DNAH9: variants seen among roughly 807,000 people sequenced by gnomAD.
DNAH9 encodes the protein dynein axonemal heavy chain 9.
In DNAH9, 345 loss-of-function variants were observed where a neutral mutation model predicts 471.6. That is an observed-to-expected ratio of 0.73 (90% confidence interval 0.67 to 0.80). The LOEUF (loss-of-function observed/expected upper bound fraction) is 0.80. Ranked by LOEUF, DNAH9 falls within the 30% of genes least tolerant of loss-of-function variation. The probability of loss-of-function intolerance (pLI) is 0.00; values close to 1 mark genes in which losing one functional copy is unlikely to be tolerated. For missense variants in DNAH9, 5,407 were observed against 5,609.2 expected (o/e 0.96, Z 1.15); for synonymous variants, 2,093 against 2,123.6 (o/e 0.99, Z 0.40).
chr17:11,911,515 T>C (rs1230006624), intron 61 of DNAH9, among the ~76,000 whole-genome samples: 1 of 152,224 alleles, frequency 6.6e-6, no homozygotes, highest in East Asian at 1.9e-4. Flanking sequence ...GGGTCTCTTA[T>C]ATTTTCTTTT....
Position 11,869,269 on chromosome 17 carries a change from A to C in DNAH9, c.10053+16A>C, listed in dbSNP as rs1555612238. On this transcript the variant is annotated intron_variant, in intron 51 of 68. Transcript: ENST00000262442. ...CAACCGCCTGGTGAGTGTAAGCCAC[A>C]GCAGCCCGAGCTGTAATTATATTAG... 1 of 1,610,866 alleles carries C rather than the reference A, an allele frequency of 6.2e-7. No homozygotes were observed. Among genetic ancestry groups the C allele is most frequent in the Non-Finnish European group, 8.5e-7 (1 of 1,178,600 alleles).
chr17:11,932,165 C>T lies in DNAH9; in HGVS notation c.12257C>T (p.Ser4086Phe), dbSNP rs1555526407. ...TTTAACACTGGAGACCTCACTATCT[C>T]TGTGAATGTCCTCTACAACTTCCTG... ...YPFNTGDLTI[S>F]VNVLYNFLEA... is the part of the protein sequence containing the mutation. Residue 4086 changes from serine (S) to phenylalanine (F), a missense_variant, in exon 64 of 69, where the codon TCT becomes TTT. Coordinates refer to ENST00000262442, the MANE Select transcript of DNAH9 (RefSeq NM_001372.4). The surrounding 1 kb of genome is among the most constrained non-coding windows in gnomAD (Gnocchi z 4.3). 1.2e-6 allele frequency: 2 copies of T among 1,614,142 alleles called. No individual in the cohort carries two copies. The highest frequency in any genetic ancestry group is 1.1e-5 in the South Asian group (1 of 91,080).
chr17:11,644,499 G>C, intron 10 of DNAH9, 132 bp from the exon 11 acceptor site: 1 of 638,120 alleles, frequency 1.6e-6, no homozygotes, highest in South Asian at 2.1e-5. Context: ...AAGAAGAAAG[G>C]CTCTTTCAGG....
Position 11,892,447 on chromosome 17 carries a change from G to A in DNAH9, c.11283+500G>A, listed in dbSNP as rs1292615005. Among the ~76,000 whole-genome samples the A allele has an allele frequency of 2.0e-5, 3 of 152,178 alleles. No homozygotes were observed. Among genetic ancestry groups the A allele is most frequent in the Non-Finnish European group, 4.4e-5 (3 of 68,040 alleles). On this transcript the variant is annotated intron_variant, in intron 58 of 68. Transcript: ENST00000262442. The surrounding 1 kb of genome is among the most constrained non-coding windows in gnomAD (Gnocchi z 4.3). ...CCTTAGAAAGTTTTCAATAACGTTG[G>A]TTCTCAAGGGTTTGGGAAGCAGGGA...
chr17:11,606,257 A>G (rs1162129884), intron 1 of DNAH9, among the ~76,000 whole-genome samples: 3 of 152,022 alleles, frequency 2.0e-5, no homozygotes, highest in Non-Finnish European at 2.9e-5. Flanking sequence ...ACTGGGGCTT[A>G]TTGATCATAA....
At chr17:11,682,550 A>T (rs2150743796) in intron 19 of DNAH9, among the ~76,000 whole-genome samples, 1 of 152,088 alleles carries the variant, frequency 6.6e-6, no homozygotes, top group South Asian at 2.1e-4. Context: ...GAATAAGATG[A>T]GTAGGTTAAG....
chr17:11,937,214 A>G lies in DNAH9; in HGVS notation c.12490-138A>G. The G allele has an allele frequency of 9.2e-7, 1 of 1,085,392 alleles. No homozygotes were observed. Among genetic ancestry groups the G allele is most frequent in the South Asian group, 2.1e-5 (1 of 47,714 alleles). The allele number at this position is 1,085,392 out of a possible 1,614,324, so 67.2% of individuals were successfully genotyped here. ...GCACTAATAGGTGGAGAGGGTGATG[A>G]AGTCAACCAGGGATGGTGAGCAGTG... is the stretch of plus-strand genomic sequence containing the variant. On this transcript the variant is annotated intron_variant, in intron 65 of 68. Coordinates refer to ENST00000262442, the MANE Select transcript of DNAH9 (RefSeq NM_001372.4). The surrounding 1 kb of genome is among the most constrained non-coding windows in gnomAD (Gnocchi z 4.1).
intron 52 of DNAH9, among the ~76,000 whole-genome samples, chr17:11,874,357 T>A (rs2048218657): frequency 6.6e-6 from 1 of 151,948 alleles, no homozygotes; most frequent in Non-Finnish European, 1.5e-5. Context: ...CACAGGCAAG[T>A]TCTCAGACTG....
chr17:11,945,431 G>A (rs930975799), intron 67 of DNAH9, among the ~76,000 whole-genome samples: 1 of 151,738 alleles, frequency 6.6e-6, no homozygotes, highest in African/African-American at 2.4e-5. Flanking sequence ...CAGCTACTAC[G>A]GAGGCTGAAG....
At chr17:11,905,157 C>G (rs1217229105) in intron 60 of DNAH9, among the ~76,000 whole-genome samples, 2 of 151,836 alleles carry the variant, frequency 1.3e-5, no homozygotes, top group East Asian at 3.9e-4. Context: ...TCACTTGAAC[C>G]CGGGAGGCAG....
chr17:11,776,525 A>G (rs760237762), intron 38 of DNAH9, among the ~76,000 whole-genome samples: 2 of 152,216 alleles, frequency 1.3e-5, no homozygotes, highest in Non-Finnish European at 2.9e-5. Flanking sequence ...TGTCCAGCAC[A>G]GATCTGATGA....
chr17:11,767,750 A>T (rs1048775042), intron 36 of DNAH9, among the ~76,000 whole-genome samples: 1 of 152,052 alleles, frequency 6.6e-6, no homozygotes, highest in Non-Finnish European at 1.5e-5. Context: ...TACACTGGGT[A>T]TACAGCCCCA....
chr17:11,733,760 A>G (rs1446130491), intron 28 of DNAH9, among the ~76,000 whole-genome samples: 1 of 149,972 alleles, frequency 6.7e-6, no homozygotes. Flanking sequence ...TGGGAGGCTG[A>G]GGCAGGGGAA....
At position 11,778,050 on chromosome 17, in the gene DNAH9, G is replaced by A. The variant is rs36009642; in HGVS notation, c.7553-2959G>A. ...GGTGGGGCTTTGAACTTTAGGGCGC[G>A]TACCAGGGAAGACCTTACTGGAAAA... On this transcript the variant is annotated intron_variant, in intron 38 of 68. Coordinates refer to ENST00000262442, the MANE Select transcript of DNAH9 (RefSeq NM_001372.4). Among the ~76,000 whole-genome samples the A allele has an allele frequency of 5.5e-3, 838 of 152,110 alleles. 3 individuals are homozygous for A. The highest frequency in any genetic ancestry group is 0.014 in the Middle Eastern group (4 of 294).
intron 24 of DNAH9, among the ~76,000 whole-genome samples, chr17:11,701,530 A>C (rs2074594963): frequency 1.3e-5 from 2 of 152,184 alleles, no homozygotes; most frequent in Admixed American, 6.5e-5. Context: ...GAGCCAGCCT[A>C]CTTTCTATGT....
intron 26 of DNAH9, among the ~76,000 whole-genome samples, chr17:11,708,010 CACACAGAGAGAGAGAG>C (rs2074751324): frequency 4.1e-5 from 2 of 48,238 alleles, no homozygotes; most frequent in African/African-American, 1.2e-4. Context: ...CACACACACA[CACACAGAGAGAGAGAG>C]AGAGAGAGAG....
At chr17:11,830,483 T>C (rs1398677999) in intron 48 of DNAH9, among the ~76,000 whole-genome samples, 3 of 152,216 alleles carry the variant, frequency 2.0e-5, no homozygotes, top group Non-Finnish European at 4.4e-5. Flanking sequence ...CTTACTGAAG[T>C]TGACAGTTTC....
intron 14 of DNAH9, among the ~76,000 whole-genome samples, chr17:11,659,654 G>A (rs917790448): frequency 6.4e-4 from 98 of 152,278 alleles, no homozygotes; most frequent in African/African-American, 2.1e-3. Context: ...ATGCTAAACC[G>A]TCACAGCTAC....
intron 42 of DNAH9, 125 bp from the exon 43 acceptor site, chr17:11,797,472 A>C (rs553882642): frequency 2.9e-6 from 2 of 684,006 alleles, no homozygotes; most frequent in East Asian, 5.6e-5. Context: ...AGAGAAGGGC[A>C]TGTTGGAAGT....
Sources: gnomAD v4.1 joint callset for allele counts (sites outside exome capture counted in the v4.1 genomes callset) on GRCh38, gnomAD v4.1.1 for gene constraint, Gnocchi (gnomAD v3.1) non-coding constraint, MANE v1.5 for transcripts, NCBI Gene and HGNC (gene_info 2026-07-23, HGNC 2026-07-21) for gene names.